PPARGC1A: variants seen among roughly 807,000 people sequenced by gnomAD.
The protein encoded by PPARGC1A is PPARG coactivator 1 alpha.
A neutral mutation model predicts 88.7 loss-of-function variants in PPARGC1A; 25 were observed. The ratio of observed to expected loss-of-function variants is 0.28; its 90% confidence interval spans 0.21 to 0.39. The LOEUF (loss-of-function observed/expected upper bound fraction) is 0.39, where lower values mean the gene tolerates loss of function less well. Ranked by LOEUF, PPARGC1A falls within the 10% of genes least tolerant of loss-of-function variation. The pLI is 1.00. For missense variants in PPARGC1A, 880 were observed against 968.7 expected, an observed-to-expected ratio of 0.91 and a Z score of 1.22; for synonymous variants, 363 against 355.6, an observed-to-expected ratio of 1.02 and a Z score of -0.24.
chr4:23,954,432 A>G, the PPARGC1A span, among the ~76,000 whole-genome samples: 2 of 152,072 alleles, frequency 1.3e-5, no homozygotes, highest in Admixed American at 1.3e-4. Flanking sequence ...ACTCTCTTAT[A>G]TTAAAAAATA....
chr4:23,910,115 G>C, the PPARGC1A span, among the ~76,000 whole-genome samples: 1 of 130,064 alleles, frequency 7.7e-6, no homozygotes, highest in Non-Finnish European at 1.6e-5. Flanking sequence ...ATGTATATGT[G>C]TGTGTATATA....
the PPARGC1A span, among the ~76,000 whole-genome samples, chr4:24,245,124 T>A: frequency 5.9e-5 from 9 of 152,352 alleles, no homozygotes; most frequent in Admixed American, 3.9e-4. Context: ...TCAGTCCCAG[T>A]GACAGCACAA....
At chr4:23,982,075 T>C in the PPARGC1A span, among the ~76,000 whole-genome samples, 3 of 152,162 alleles carry the variant, frequency 2.0e-5, no homozygotes, top group Non-Finnish European at 4.4e-5. Flanking sequence ...CCCTGAGTGC[T>C]GAAAAATATA....
the PPARGC1A span, among the ~76,000 whole-genome samples, chr4:24,229,246 C>A: frequency 6.8e-6 from 1 of 146,744 alleles, no homozygotes; most frequent in East Asian, 2.1e-4. Context: ...CTCCACCTCC[C>A]GGGTTCAAGT....
At position 23,805,114 on chromosome 4, in the gene PPARGC1A, T is replaced by C. The variant is rs184649314; in HGVS notation, c.2020-2769A>G. Among the ~76,000 whole-genome samples, 3 of 144,768 alleles carry C rather than the reference T, an allele frequency of 2.1e-5. No homozygotes were observed. In the East Asian group the frequency reaches 5.8e-4, roughly 28 times the overall value. 95.0% of individuals were successfully genotyped at this position (144,768 alleles called of 152,430 possible). On this transcript the variant is annotated intron_variant, in intron 10 of 12. Transcript: ENST00000264867. ...CAATCAGTTACTAATCAATTAATCATCTTGAACACTTATCCCATTCCCTTC... is the reference window on the plus strand; with the variant it reads ...CAATCAGTTACTAATCAATTAATCACCTTGAACACTTATCCCATTCCCTTC...
At chr4:24,378,062 C>T in the PPARGC1A span, among the ~76,000 whole-genome samples, 4 of 152,104 alleles carry the variant, frequency 2.6e-5, no homozygotes, top group Non-Finnish European at 5.9e-5. Flanking sequence ...CTGGGCTGGG[C>T]GCAGTGGCTC....
At chr4:24,185,577 C>T in the PPARGC1A span, among the ~76,000 whole-genome samples, 1 of 152,254 alleles carries the variant, frequency 6.6e-6, no homozygotes, top group East Asian at 1.9e-4. Context: ...AGAGCAGCTG[C>T]CAACTTTCAG....
At chr4:24,244,041 A>G in the PPARGC1A span, among the ~76,000 whole-genome samples, 1 of 152,198 alleles carries the variant, frequency 6.6e-6, no homozygotes. Flanking sequence ...CACATTCAAT[A>G]AACTAAATGA....
chr4:24,096,161 TTCTC>T, the PPARGC1A span, among the ~76,000 whole-genome samples: 2 of 151,842 alleles, frequency 1.3e-5, no homozygotes, highest in African/African-American at 2.4e-5. Context: ...CCTCTTCGCT[TTCTC>T]TCTCTCTCTT....
chr4:24,322,493 C>G, the PPARGC1A span, among the ~76,000 whole-genome samples: 1 of 152,116 alleles, frequency 6.6e-6, no homozygotes, highest in Non-Finnish European at 1.5e-5. Context: ...TCACATTTTT[C>G]AGAGAGAGAA....
chr4:23,801,972 C>G, intron 11 of PPARGC1A, 91 bp from the exon 12 acceptor site: 1 of 1,479,208 alleles, frequency 6.8e-7, no homozygotes. Context: ...TTCTCCAGTG[C>G]CAACGTCTGA....
chr4:24,066,517 T>C, the PPARGC1A span, among the ~76,000 whole-genome samples: 2 of 152,182 alleles, frequency 1.3e-5, no homozygotes, highest in African/African-American at 4.8e-5. Flanking sequence ...GAACTCTAGA[T>C]ATAAATGTCA....
the PPARGC1A span, among the ~76,000 whole-genome samples, chr4:24,240,029 G>T: frequency 1.2e-4 from 19 of 152,114 alleles, no homozygotes; most frequent in South Asian, 4.0e-3. Context: ...TAAATTAAAA[G>T]AATGCAAGGT....
chr4:24,196,078 A>G, the PPARGC1A span, among the ~76,000 whole-genome samples: 6 of 152,220 alleles, frequency 3.9e-5, no homozygotes, highest in Non-Finnish European at 5.9e-5. Flanking sequence ...TCAGGAATAG[A>G]GAGAGGATTT....
the PPARGC1A span, among the ~76,000 whole-genome samples, chr4:24,427,540 T>C: frequency 6.6e-6 from 1 of 151,984 alleles, no homozygotes; most frequent in Non-Finnish European, 1.5e-5. Flanking sequence ...ACCTATCCAG[T>C]TTGTTTTTTC....
At position 23,814,023 on chromosome 4, in the gene PPARGC1A, C is replaced by A; in HGVS notation, c.1460G>T (p.Ser487Ile). The change falls in exon 8 of 13, where the codon AGT (serine) becomes ATT (isoleucine). Residue 487 changes from serine to isoleucine, a missense_variant. Transcript: ENST00000264867. ...EADKTGELRD[S>I]DFSNEQFSKL... ...GGAGAATTGTTCATTACTGAAATCA[C>A]TGTCCCTCAGTTCACCGGTCTTGTC... is the stretch of plus-strand genomic sequence containing the variant. 1 of 1,614,090 alleles carries A rather than the reference C, an allele frequency of 6.2e-7. No homozygotes were observed. The highest frequency in any genetic ancestry group is 1.1e-5 in the South Asian group (1 of 91,084).
chr4:24,234,210 T>C, the PPARGC1A span, among the ~76,000 whole-genome samples: 1 of 152,242 alleles, frequency 6.6e-6, no homozygotes, highest in Non-Finnish European at 1.5e-5. Context: ...GAGTTTTCCC[T>C]GATTTTAGCT....
chr4:24,365,130 C>G, the PPARGC1A span, among the ~76,000 whole-genome samples: 1 of 144,894 alleles, frequency 6.9e-6, no homozygotes, highest in African/African-American at 2.6e-5. Flanking sequence ...CCTACCATAA[C>G]AAGCTAATGC....
At chr4:23,843,004 T>C (rs1416613797) in intron 2 of PPARGC1A, among the ~76,000 whole-genome samples, 1 of 152,136 alleles carries the variant, frequency 6.6e-6, no homozygotes, top group Non-Finnish European at 1.5e-5. Context: ...CTAGTTGTTT[T>C]ATGGTCTGCC....
Sources: gnomAD v4.1 joint callset for allele counts (sites outside exome capture counted in the v4.1 genomes callset) on GRCh38, gnomAD v4.1.1 for gene constraint, MANE v1.5 for transcripts, NCBI Gene and HGNC (gene_info 2026-07-23, HGNC 2026-07-21) for gene names.